ELAPOR1: variants seen among roughly 807,000 people sequenced by gnomAD.
ELAPOR1 encodes the protein endosome/lysosome-associated apoptosis and autophagy regulator 1.
Under a neutral mutation model 119.7 loss-of-function variants are expected in ELAPOR1, and 77 were observed. The observed-to-expected ratio is 0.64, with a 90% CI of 0.54 to 0.78. The LOEUF (loss-of-function observed/expected upper bound fraction) is 0.78, where lower values mean the gene tolerates loss of function less well. Ranked by LOEUF, ELAPOR1 falls within the 30% of genes least tolerant of loss-of-function variation. ELAPOR1 has a pLI of 0.00. For missense variants in ELAPOR1, 1,115 were observed against 1,270.4 expected, an observed-to-expected ratio of 0.88 and a Z score of 1.86; for synonymous variants, 481 against 487.2, an observed-to-expected ratio of 0.99 and a Z score of 0.17.
At chr1:109,198,477 C>G in intron 17 of ELAPOR1, 96 bp from the exon 18 acceptor site, 1 of 1,125,762 alleles carries the variant, frequency 8.9e-7, no homozygotes, top group South Asian at 1.4e-5. Context: ...CTGACTTCCC[C>G]AGCAAGGGAA....
At chr1:109,141,622 A>G (rs1463291124) in intron 1 of ELAPOR1, among the ~76,000 whole-genome samples, 1 of 151,926 alleles carries the variant, frequency 6.6e-6, no homozygotes, top group Admixed American at 6.6e-5. Context: ...TGATGTTACC[A>G]CTCAATTAGA....
chr1:109,196,060 G>A (rs1653774807), intron 15 of ELAPOR1, among the ~76,000 whole-genome samples: 1 of 152,178 alleles, frequency 6.6e-6, no homozygotes, highest in Admixed American at 6.5e-5. Context: ...GGAGGCTGAG[G>A]CAGGAGAATT....
intron 1 of ELAPOR1, among the ~76,000 whole-genome samples, chr1:109,120,569 A>C (rs1031375430): frequency 6.6e-6 from 1 of 152,134 alleles, no homozygotes; most frequent in Non-Finnish European, 1.5e-5. Context: ...GCTGTGAGCA[A>C]TCAATATCCA....
intron 1 of ELAPOR1, among the ~76,000 whole-genome samples, chr1:109,139,695 C>A (rs1027181142): frequency 1.1e-4 from 16 of 152,172 alleles, no homozygotes; most frequent in African/African-American, 3.1e-4. Context: ...TTTTAAAATT[C>A]TTGAAGAATA....
chr1:109,166,894 A>G (rs774525415), intron 3 of ELAPOR1, among the ~76,000 whole-genome samples: 1 of 152,254 alleles, frequency 6.6e-6, no homozygotes, highest in Non-Finnish European at 1.5e-5. Context: ...GAATTGTATT[A>G]CACTTGGATT....
intron 1 of ELAPOR1, among the ~76,000 whole-genome samples, chr1:109,129,389 A>G (rs1648995913): frequency 6.6e-6 from 1 of 152,182 alleles, no homozygotes; most frequent in Non-Finnish European, 1.5e-5. Flanking sequence ...ACACGCCTGT[A>G]ATCCTAGCTA....
chr1:109,184,895 G>A lies in ELAPOR1; in HGVS notation c.953-150G>A, dbSNP rs80249459. On this transcript the variant is annotated intron_variant, in intron 7 of 21. Transcript: ENST00000369939. Reference sequence around the variant, plus strand: ...ACTGGAAATGACACTATTGAGACAAGGGGAAGGGTGAGTGTGCAGGATTTT... The same window carrying A: ...ACTGGAAATGACACTATTGAGACAAAGGGAAGGGTGAGTGTGCAGGATTTT... 5.8e-4 allele frequency: 393 copies of A among 682,930 alleles called. 2 individuals are homozygous for A. Among genetic ancestry groups the A allele is most frequent in the African/African-American group, 3.3e-3 (186 of 56,758 alleles). The allele number at this position is 682,930 out of a possible 1,614,324, so 42.3% of individuals were successfully genotyped here.
rs1446671049 is a variant in ELAPOR1 at position 109,144,090 on chromosome 1, G to A, written c.154-17804G>A. The stretch of plus-strand genomic sequence containing the variant: ...TTTTTTTTTTTTGAGATGGAGTTTC[G>A]CTGTTGTTGCCCAGGCTGGAGTGCA... On this transcript the variant is annotated intron_variant, in intron 1 of 21. Coordinates refer to ENST00000369939, the MANE Select transcript of ELAPOR1 (RefSeq NM_020775.5). 9.2e-5 allele frequency among the ~76,000 whole-genome samples: 8 copies of A among 86,768 alleles called. No individual in the cohort carries two copies. In the East Asian group the frequency reaches 1.2e-3, roughly 13 times the overall value. 56.9% of individuals were successfully genotyped at this position (86,768 alleles called of 152,430 possible).
intron 5 of ELAPOR1, among the ~76,000 whole-genome samples, chr1:109,172,806 G>T (rs990126393): frequency 6.6e-6 from 1 of 152,096 alleles, no homozygotes; most frequent in African/African-American, 2.4e-5. Context: ...TTTAAGACTG[G>T]GTCTTCTGCC....
chr1:109,193,615 G>A (rs901149634), intron 14 of ELAPOR1, among the ~76,000 whole-genome samples: 1 of 152,226 alleles, frequency 6.6e-6, no homozygotes, highest in Non-Finnish European at 1.5e-5. Context: ...TTCTGCATCT[G>A]AGAAGTACTT....
intron 1 of ELAPOR1, among the ~76,000 whole-genome samples, chr1:109,155,362 T>C (rs1650815617): frequency 6.6e-6 from 1 of 152,096 alleles, no homozygotes; most frequent in South Asian, 2.1e-4. Flanking sequence ...GTTTTTTTAA[T>C]AGAGACGGGG....
chr1:109,171,418 G>A (rs1256155773), intron 3 of ELAPOR1, among the ~76,000 whole-genome samples: 1 of 152,040 alleles, frequency 6.6e-6, no homozygotes, highest in Non-Finnish European at 1.5e-5. Context: ...TGGGTGTGGT[G>A]GTGCATGCCT....
At chr1:109,123,687 A>C (rs1482523879) in intron 1 of ELAPOR1, among the ~76,000 whole-genome samples, 2 of 152,246 alleles carry the variant, frequency 1.3e-5, no homozygotes, top group African/African-American at 4.8e-5. Flanking sequence ...AAGGACCAAG[A>C]AACTTACCCA....
chr1:109,125,886 G>A (rs754254051), intron 1 of ELAPOR1, among the ~76,000 whole-genome samples: 9 of 152,066 alleles, frequency 5.9e-5, no homozygotes, highest in African/African-American at 1.7e-4. Flanking sequence ...AAAAATCCCC[G>A]TACATCATTC....
chr1:109,114,219 C>T lies in ELAPOR1; in HGVS notation c.36C>T (p.Ala12=), dbSNP rs973812798. ...AEPGHSHHLS[A]RVRGRTERRI... is the part of the protein sequence containing the mutation. ...CTGGGCACAGCCACCATCTCTCCGC[C>T]AGAGTCAGGGGAAGAACTGAGAGGC... Residue 12 remains alanine, a synonymous_variant, in exon 1 of 22, where the codon GCC becomes GCT. Coordinates refer to ENST00000369939, the MANE Select transcript of ELAPOR1 (RefSeq NM_020775.5). 8 of 1,604,858 alleles carry T rather than the reference C, an allele frequency of 5.0e-6. No individual in the cohort carries two copies. Among genetic ancestry groups the T allele is most frequent in the Non-Finnish European group, 6.8e-6 (8 of 1,175,638 alleles).
intron 15 of ELAPOR1, among the ~76,000 whole-genome samples, chr1:109,194,902 G>A (rs1653688034): frequency 6.6e-6 from 1 of 150,628 alleles, no homozygotes; most frequent in Non-Finnish European, 1.5e-5. Flanking sequence ...GAGGTGGGGA[G>A]TTCGAGACCA....
At chr1:109,193,182 G>A (rs1397692169) in intron 14 of ELAPOR1, among the ~76,000 whole-genome samples, 2 of 152,274 alleles carry the variant, frequency 1.3e-5, no homozygotes, top group Non-Finnish European at 2.9e-5. Context: ...GGAAGGAACA[G>A]TGGGGTGAGG....
At chr1:109,183,587 T>TC (rs1652865891) in intron 7 of ELAPOR1, among the ~76,000 whole-genome samples, 3 of 111,770 alleles carry the variant, frequency 2.7e-5, no homozygotes, top group South Asian at 3.7e-4. Context: ...CTTCCTTCCT[T>TC]CCTTCCTTCC....
In ELAPOR1 at chr1:109,192,798, A is replaced by T; in HGVS notation, c.1871A>T (p.Asn624Ile). ...GGAACCTGCCACTCCTGCCCCACTA[A>T]CACAATTCTGAAAGCCCACCAGCCT... ...DSGTCHSCPT[N>I]TILKAHQPYG... The change falls in exon 14 of 22, where the codon AAC becomes ATC. Residue 624 changes from asparagine (N) to isoleucine (I), a missense_variant. Coordinates refer to ENST00000369939, the MANE Select transcript of ELAPOR1 (RefSeq NM_020775.5). 1 of 1,613,858 alleles carries T rather than the reference A, an allele frequency of 6.2e-7. No individual in the cohort carries two copies. Among genetic ancestry groups the T allele is most frequent in the Non-Finnish European group, 8.5e-7 (1 of 1,179,970 alleles).
Sources: allele counts gnomAD v4.1 joint callset (sites outside exome capture counted in the v4.1 genomes callset), GRCh38; gene constraint gnomAD v4.1.1; transcripts MANE v1.5; gene names NCBI Gene and HGNC (gene_info 2026-07-23, HGNC 2026-07-21).